The following EIF3L variants were observed in gnomAD, a reference collection of about 807,000 sequenced individuals.
EIF3L encodes eukaryotic translation initiation factor 3 subunit L, also known as eIEF associated protein HSPC021.
A neutral mutation model predicts 74.6 loss-of-function variants in EIF3L; 32 were observed. That is an observed-to-expected ratio of 0.43 (90% confidence interval 0.32 to 0.58). The LOEUF (loss-of-function observed/expected upper bound fraction) is 0.58, where lower values mean the gene tolerates loss of function less well. Among genes scored for constraint, EIF3L ranks in the 20% least tolerant of loss-of-function variants. EIF3L has a pLI of 0.06. For synonymous variants in EIF3L, 256 were observed against 254.4 expected (o/e 1.01, Z -0.06); for missense variants, 474 against 707.8 (o/e 0.67, Z 3.75).
Position 37,863,963 on chromosome 22 carries a change from G to T in EIF3L, c.579+618G>T, listed in dbSNP as rs370369513. On this transcript the variant is annotated intron_variant, in intron 7 of 12. Coordinates refer to ENST00000652021, the MANE Select transcript of EIF3L (RefSeq NM_016091.4). ...GCCTGTAGTCCCAGCTACTCAGTAG[G>T]CTGAGGCAGGAGAATGGCGTGAACC... Among the ~76,000 whole-genome samples the T allele has an allele frequency of 5.3e-5, 8 of 152,094 alleles. No individual in the cohort carries two copies. The East Asian group carries it at 1.2e-3, about 22-fold the overall frequency.
At chr22:37,874,189 G>A (rs973754458) in intron 8 of EIF3L, among the ~76,000 whole-genome samples, 181 bp from the exon 9 acceptor site, 8 of 152,110 alleles carry the variant, frequency 5.3e-5, no homozygotes, top group Admixed American at 1.3e-4. Context: ...TTGGTAAATC[G>A]AAGATTAGCA....
intron 2 of EIF3L, 151 bp downstream of exon 2, chr22:37,850,214 G>A: frequency 1.3e-6 from 1 of 786,734 alleles, no homozygotes; most frequent in Non-Finnish European, 2.1e-6. Context: ...GTTTTATAAA[G>A]CCTAATAAAC....
intron 5 of EIF3L, among the ~76,000 whole-genome samples, chr22:37,859,554 T>C (rs1378410844): frequency 6.6e-6 from 1 of 151,476 alleles, no homozygotes; most frequent in Non-Finnish European, 1.5e-5. Flanking sequence ...GCTAATTTTT[T>C]TGTATTTTTA....
chr22:37,871,229 G>T (rs1312533552), intron 8 of EIF3L: 1 of 152,070 alleles, frequency 6.6e-6, no homozygotes, highest in East Asian at 1.9e-4. Context: ...GTCTGGTCTT[G>T]GACTCCTGGG....
intron 3 of EIF3L, among the ~76,000 whole-genome samples, chr22:37,852,116 T>C (rs1020040618): frequency 2.6e-5 from 4 of 152,206 alleles, no homozygotes; most frequent in Non-Finnish European, 5.9e-5. Flanking sequence ...TTGGACTTTA[T>C]ATCCTCAGAA....
In EIF3L at chr22:37,868,110, A is replaced by ATT. The variant is rs545183532; in HGVS notation, c.580-2045_580-2044dup. On this transcript the variant is annotated intron_variant, in intron 7 of 12. Coordinates refer to ENST00000652021, the MANE Select transcript of EIF3L (RefSeq NM_016091.4). Reference sequence around the variant, plus strand: ...TTGCATTACGAGAATTCTTTGTAGGATTTTTTTTTTTTTTTTTTTTTTGAG... The same window carrying ATT: ...TTGCATTACGAGAATTCTTTGTAGGATTTTTTTTTTTTTTTTTTTTTTTTGAG... Among the ~76,000 whole-genome samples the ATT allele has an allele frequency of 3.4e-3, 316 of 92,652 alleles. 4 individuals carry two copies. Among genetic ancestry groups the ATT allele is most frequent in the African/African-American group, 0.011 (237 of 22,124 alleles). 60.8% of individuals were successfully genotyped at this position (92,652 alleles called of 152,430 possible).
chr22:37,876,133 C>A, intron 10 of EIF3L, 122 bp downstream of exon 10: 3 of 1,015,818 alleles, frequency 3.0e-6, no homozygotes, highest in Non-Finnish European at 2.8e-6. Flanking sequence ...GAGTTCAAGA[C>A]TGTAGAGCGC....
intron 4 of EIF3L, among the ~76,000 whole-genome samples, chr22:37,856,454 C>T (rs1191113641): frequency 6.6e-6 from 1 of 152,198 alleles, no homozygotes; most frequent in Non-Finnish European, 1.5e-5. Flanking sequence ...AACTCCTGAC[C>T]TCAAGTGATC....
rs539659670 is a variant in EIF3L at position 37,854,713 on chromosome 22, C to G, written c.294-852C>G. Among the ~76,000 whole-genome samples the G allele has an allele frequency of 3.0e-4, 46 of 152,306 alleles. 1 individual carries two copies. In the South Asian group the frequency reaches 9.1e-3, roughly 30 times the overall value. On this transcript the variant is annotated intron_variant, in intron 3 of 12. Transcript: ENST00000652021. Reference sequence around the variant, plus strand: ...AACTCCTAACCTCAAGTGATCCACCCGCCTCAGCCTCCCAAAGTGTTGAGA... The same window carrying G: ...AACTCCTAACCTCAAGTGATCCACCGGCCTCAGCCTCCCAAAGTGTTGAGA...
intron 7 of EIF3L, among the ~76,000 whole-genome samples, chr22:37,869,672 G>C (rs1460435597): frequency 6.6e-6 from 1 of 152,140 alleles, no homozygotes; most frequent in Non-Finnish European, 1.5e-5. Context: ...AGACGACTCT[G>C]GTTGAGAGTG....
At chr22:37,874,346 A>T in intron 8 of EIF3L, 24 bp from the exon 9 acceptor site, 3 of 1,610,906 alleles carry the variant, frequency 1.9e-6, no homozygotes, top group South Asian at 2.2e-5. Context: ...TCCTATCAGT[A>T]TTCACGGTGT....
chr22:37,854,731 T>C (rs1043970047), intron 3 of EIF3L, among the ~76,000 whole-genome samples: 10 of 152,190 alleles, frequency 6.6e-5, no homozygotes, highest in African/African-American at 2.2e-4. Context: ...CCTCCCAAAG[T>C]GTTGAGATTA....
chr22:37,853,023 A>G (rs564349970), intron 3 of EIF3L, among the ~76,000 whole-genome samples: 5 of 152,324 alleles, frequency 3.3e-5, no homozygotes, highest in East Asian at 1.9e-4. Flanking sequence ...CATGCTACCA[A>G]TGATGAATCC....
chr22:37,861,490 C>T (rs1406504820), intron 5 of EIF3L, among the ~76,000 whole-genome samples: 1 of 152,118 alleles, frequency 6.6e-6, no homozygotes, highest in African/African-American at 2.4e-5. Flanking sequence ...TCGAGACCAG[C>T]CTGACCAATA....
rs1342538260 is a variant in EIF3L, at chr22:37,851,474, G to A, written c.277G>A (p.Asp93Asn). 1.9e-6 allele frequency: 3 copies of A among 1,608,034 alleles called. No individual in the cohort carries two copies. Among genetic ancestry groups the A allele is most frequent in the Non-Finnish European group, 2.6e-6 (3 of 1,176,340 alleles). Residue 93 changes from aspartate to asparagine, a missense_variant, in exon 3 of 13, where the codon GAC becomes AAC. This residue lies in a region of EIF3L where 141 missense variants were observed against 197.7 expected (regional missense o/e 0.71). Transcript: ENST00000652021. ...VIDQKVYEIQ[D>N]IYENSWTKLT... ...TGACCAGAAGGTGTATGAGATCCAG[G>A]ACATCTATGAGAACAGGTATGGGCT...
At chr22:37,883,019 G>T (rs986714259) in intron 11 of EIF3L, 1 of 150,898 alleles carries the variant, frequency 6.6e-6, no homozygotes, top group African/African-American at 2.4e-5. Context: ...AAAAAAGGCT[G>T]GGCATGGTGG....
intron 4 of EIF3L, among the ~76,000 whole-genome samples, chr22:37,857,724 G>C (rs1028585799): frequency 1.3e-5 from 2 of 151,776 alleles, no homozygotes; most frequent in African/African-American, 4.8e-5. Context: ...AGTAGAGATG[G>C]TGTTTCACCA....
chr22:37,869,367 G>C (rs1342383554), intron 7 of EIF3L, among the ~76,000 whole-genome samples: 2 of 152,026 alleles, frequency 1.3e-5, no homozygotes, highest in African/African-American at 4.8e-5. Flanking sequence ...CTGGACCCAA[G>C]TGATCTGCCC....
At chr22:37,869,391 A>G (rs1468257518) in intron 7 of EIF3L, among the ~76,000 whole-genome samples, 1 of 152,136 alleles carries the variant, frequency 6.6e-6, no homozygotes, top group African/African-American at 2.4e-5. Flanking sequence ...TCAGTTTCCC[A>G]AAGTGCTGGG....
Sources: allele counts gnomAD v4.1 joint callset (sites outside exome capture counted in the v4.1 genomes callset), GRCh38; gene constraint gnomAD v4.1.1; regional missense constraint gnomAD v4.1.1; transcripts MANE v1.5; gene names NCBI Gene and HGNC (gene_info 2026-07-23, HGNC 2026-07-21).